Variants in TNXB observed in about 807,000 individuals in gnomAD.
TNXB encodes tenascin-X.
In TNXB, 183 loss-of-function variants were observed where a neutral mutation model predicts 340.5. That is an observed-to-expected ratio of 0.54 (90% CI 0.48 to 0.61). The LOEUF is 0.61. Among genes scored for constraint, TNXB ranks in the 20% least tolerant of loss-of-function variants. The probability of loss-of-function intolerance (pLI) is 0.00; values close to 1 mark genes in which losing one functional copy is unlikely to be tolerated. For synonymous variants in TNXB, 2,121 were observed against 2,314.5 expected, an observed-to-expected ratio of 0.92 and a Z score of 2.40; for missense variants, 4,613 against 5,446.4, an observed-to-expected ratio of 0.85 and a Z score of 4.82.
In TNXB at chr6:32,075,550, A is replaced by G. The variant is rs1213714366; in HGVS notation, c.4376-1598T>C. 6.6e-6 allele frequency among the ~76,000 whole-genome samples: 1 copy of G among 152,026 alleles called. No homozygotes were observed. The highest frequency in any genetic ancestry group is 2.4e-5 in the African/African-American group (1 of 41,352). On this transcript the variant is annotated intron_variant, in intron 11 of 43. Coordinates refer to ENST00000644971, the MANE Select transcript of TNXB (RefSeq NM_001365276.2). This position sits in a 1 kb window ranked among gnomAD's most constrained non-coding sequence, Gnocchi z 4.6. ...GCAGTGAGGCCCTTGCTGTCTCCCT[A>G]CTAGGCTCTGCTTTTCCCCACCACT...
Position 32,058,390 on chromosome 6 carries a change from G to A in TNXB, c.7493C>T (p.Ala2498Val). The change falls in exon 22 of 44, where the codon GCC (alanine) becomes GTC (valine). Residue 2498 changes from alanine (A) to valine (V), a missense_variant and splice_region_variant. By Grantham distance (64) the Ala-to-Val change is moderately conservative. Around this residue, in one of 7 missense-constraint regions of TNXB, gnomAD observed 4,327 missense variants for 4,859.4 expected, o/e 0.89. Transcript: ENST00000644971. This position sits in a 1 kb window ranked among gnomAD's most constrained non-coding sequence, Gnocchi z 5.1. ...VGPVSTVGVT[A>V]PQEDVDETPS... Reference sequence around the variant, plus strand: ...GGTCTCGTCCACATCCTCTTGTGGGGCTGAAAGGTAATATAGGGGGATACA... The same window carrying A: ...GGTCTCGTCCACATCCTCTTGTGGGACTGAAAGGTAATATAGGGGGATACA... 6.3e-7 allele frequency: 1 copy of A among 1,597,704 alleles called. No homozygotes were observed. The highest frequency in any genetic ancestry group is 1.4e-5 in the African/African-American group (1 of 73,814).
intron 1 of TNXB, among the ~76,000 whole-genome samples, chr6:32,107,072 T>C (rs1045234861): frequency 6.6e-5 from 10 of 152,206 alleles, no homozygotes; most frequent in Non-Finnish European, 4.4e-5. Flanking sequence ...TGATTTCTTG[T>C]TGGCTCCGAG....
chr6:32,056,142 G>C lies in TNXB; in HGVS notation c.8176C>G (p.Leu2726Val). Reference protein sequence around the residue: ...AEEETPSPTELSTEAPEPPEE... With the variant: ...AEEETPSPTEVSTEAPEPPEE... ...GGGGGCTCCGGGGCCTCAGTGCTGA[G>C]TTCCGTGGGGCTGGGGGTCTCTTCC... Residue 2726 changes from leucine (L) to valine (V), a missense_variant, in exon 24 of 44, where the codon CTC (leucine) becomes GTC (valine). By Grantham distance (32) the Leu-to-Val change is conservative. Around this residue, in one of 7 missense-constraint regions of TNXB, gnomAD observed 4,327 missense variants for 4,859.4 expected, o/e 0.89. Coordinates refer to ENST00000644971, the MANE Select transcript of TNXB (RefSeq NM_001365276.2). The C allele has an allele frequency of 1.2e-6, 2 of 1,612,386 alleles. No homozygotes were observed. Among genetic ancestry groups the C allele is most frequent in the Non-Finnish European group, 1.7e-6 (2 of 1,179,604 alleles).
chr6:32,096,123 T>C lies in TNXB; in HGVS notation c.1730A>G (p.Glu577Gly), dbSNP rs767766489. The C allele has an allele frequency of 6.9e-6, 11 of 1,603,678 alleles. No individual in the cohort carries two copies. Among genetic ancestry groups the C allele is most frequent in the Non-Finnish European group, 6.8e-6 (8 of 1,176,318 alleles). The change falls in exon 3 of 44, where the codon GAG becomes GGG. Residue 577 changes from glutamate to glycine, a missense_variant. Around this residue, in one of 7 missense-constraint regions of TNXB, gnomAD observed 4,327 missense variants for 4,859.4 expected, o/e 0.89. Transcript: ENST00000644971. ...GCAATCCTCGCCAGAGTAGCCGTCC[T>C]CGCACACACACCGCCCATCTAGGCA... Reference protein sequence around the residue: ...GQCLDGRCVCEDGYSGEDCGV... With the variant: ...GQCLDGRCVCGDGYSGEDCGV...
rs1362162886 is a variant in TNXB at position 32,079,099 on chromosome 6, T to G, written c.4309A>C (p.Lys1437Gln). Residue 1437 changes from lysine (K) to glutamine (Q), a missense_variant, in exon 11 of 44, where the codon AAG becomes CAG. Coordinates refer to ENST00000644971, the MANE Select transcript of TNXB (RefSeq NM_001365276.2). This position sits in a 1 kb window ranked among gnomAD's most constrained non-coding sequence, Gnocchi z 7.1. Reference sequence around the variant, plus strand: ...TCGTGGAGGCCGTACAGGTGCATCTTGTACTTGTGCCCGGGCTCTAGGCCT... The same window carrying G: ...TCGTGGAGGCCGTACAGGTGCATCTGGTACTTGTGCCCGGGCTCTAGGCCT... ...VGGLEPGHKY[K>Q]MHLYGLHEGQ... 3 of 1,613,734 alleles carry G rather than the reference T, an allele frequency of 1.9e-6. No individual in the cohort carries two copies. Among genetic ancestry groups the G allele is most frequent in the Non-Finnish European group, 2.5e-6 (3 of 1,179,876 alleles).
rs940245544 is a variant in TNXB, at chr6:32,081,700, G to A, written c.3737-27C>T. On this transcript the variant is annotated intron_variant, in intron 9 of 43. Coordinates refer to ENST00000644971, the MANE Select transcript of TNXB (RefSeq NM_001365276.2). The surrounding 1 kb of genome is among the most constrained non-coding windows in gnomAD (Gnocchi z 5.1). ...TGTAAACAAGGAGATCCAGCCAGGT[G>A]CTGAACTGGCAGCCTGGGACTGGGG... is the stretch of plus-strand genomic sequence containing the variant. 23 of 1,536,602 alleles carry A rather than the reference G, an allele frequency of 1.5e-5. No homozygotes were observed. The highest frequency in any genetic ancestry group is 1.8e-5 in the Non-Finnish European group (21 of 1,136,306).
Position 32,050,154 on chromosome 6 carries a change from T to C in TNXB, c.9283A>G (p.Arg3095Gly). ...GCCTTGGGCTGCCCATCCCCATTCC[T>C]GTACTGGACCAGGAAGTGGTCAAAC... The part of the protein sequence containing the change: ...GQFDHFLVQY[R>G]NGDGQPKAVR... The change falls in exon 27 of 44, where the codon AGG (arginine) becomes GGG (glycine). Residue 3095 changes from arginine (R) to glycine (G), a missense_variant. This residue lies in a region of TNXB where 4,327 missense variants were observed against 4,859.4 expected (regional missense o/e 0.89). Coordinates refer to ENST00000644971, the MANE Select transcript of TNXB (RefSeq NM_001365276.2). 3.1e-6 allele frequency: 5 copies of C among 1,613,852 alleles called. No individual in the cohort carries two copies. Among genetic ancestry groups the C allele is most frequent in the Non-Finnish European group, 4.2e-6 (5 of 1,179,882 alleles).
At chr6:32,093,516 T>A in intron 4 of TNXB, 1 of 629,616 alleles carries the variant, frequency 1.6e-6, no homozygotes, top group South Asian at 1.8e-5. Flanking sequence ...TCCTCTGAGC[T>A]GTCCCCTTCT....
Position 32,097,692 on chromosome 6 carries a change from G to T in TNXB, c.403+104C>A. The T allele has an allele frequency of 7.6e-7, 1 of 1,321,958 alleles. No homozygotes were observed. Among genetic ancestry groups the T allele is most frequent in the Non-Finnish European group, 1.0e-6 (1 of 990,882 alleles). The allele number at this position is 1,321,958 out of a possible 1,614,324, so 81.9% of individuals were successfully genotyped here. A position where few individuals can be genotyped will look rare whatever the true frequency, so the allele number is the denominator to read the frequency against. On this transcript the variant is annotated intron_variant, in intron 2 of 43. Coordinates refer to ENST00000644971, the MANE Select transcript of TNXB (RefSeq NM_001365276.2). This position sits in a 1 kb window ranked among gnomAD's most constrained non-coding sequence, Gnocchi z 5.9. The stretch of plus-strand genomic sequence containing the variant: ...CTGGGCTGCATCCACACCCCTCATG[G>T]TGAGGAAGGAGTGCCTTCTTCTAAT...
Position 32,081,681 on chromosome 6 carries a change from C to T in TNXB, c.3737-8G>A. On this transcript the variant is annotated splice_region_variant and splice_polypyrimidine_tract_variant and intron_variant, in intron 9 of 43. Coordinates refer to ENST00000644971, the MANE Select transcript of TNXB (RefSeq NM_001365276.2). This position sits in a 1 kb window ranked among gnomAD's most constrained non-coding sequence, Gnocchi z 5.1. ...CCTCTTTCCTCTCTGGAGCTGTAAA[C>T]AAGGAGATCCAGCCAGGTGCTGAAC... The T allele has an allele frequency of 6.4e-7, 1 of 1,561,822 alleles. No individual in the cohort carries two copies. The highest frequency in any genetic ancestry group is 1.8e-5 in the Admixed American group (1 of 54,604).
In TNXB at chr6:32,084,558, G is replaced by A. The variant is rs749807972; in HGVS notation, c.3300C>T (p.Asp1100=). 17 of 1,608,728 alleles carry A rather than the reference G, an allele frequency of 1.1e-5. No individual in the cohort carries two copies. The highest frequency in any genetic ancestry group is 2.7e-5 in the African/African-American group (2 of 74,880). Residue 1100 remains aspartate (D), a synonymous_variant, in exon 8 of 44, where the codon GAC becomes GAT. Coordinates refer to ENST00000644971, the MANE Select transcript of TNXB (RefSeq NM_001365276.2). The surrounding 1 kb of genome is among the most constrained non-coding windows in gnomAD (Gnocchi z 5.5). Reference sequence around the variant, plus strand: ...CCACGGGCACCACCTGGGGCTGCCCGTCCCTGTCTTTGTACTGGATCACGA... The same window carrying A: ...CCACGGGCACCACCTGGGGCTGCCCATCCCTGTCTTTGTACTGGATCACGA... ...DSFVIQYKDR[D]GQPQVVPVEG...
chr6:32,097,160 G>A lies in TNXB; in HGVS notation c.693C>T (p.Gly231=), dbSNP rs950327591. ...AGAAGCCTGCCCGGCACACACACAC[G>A]CCCTGCACGCAGCGCCCACGGCCTT... ...DCQGRGRCVQ[G]VCVCRAGFSG... Residue 231 remains glycine (G), a synonymous_variant, in exon 3 of 44, where the codon GGC becomes GGT. Transcript: ENST00000644971. The surrounding 1 kb of genome is among the most constrained non-coding windows in gnomAD (Gnocchi z 5.9). 5.0e-6 allele frequency: 8 copies of A among 1,598,156 alleles called. No individual in the cohort carries two copies. Among genetic ancestry groups the A allele is most frequent in the African/African-American group, 1.3e-5 (1 of 74,472 alleles).
In TNXB at chr6:32,053,493, C is replaced by T. The variant is rs572058433; in HGVS notation, c.8686G>A (p.Gly2896Arg). The part of the protein sequence containing the change: ...KVVRVPGHED[G>R]VTISGLEPDH... ...GGCTCCAGGCCTGAGATGGTGACCC[C>T]GTCCTCGTGCCCCGGCACCCGCACC... The change falls in exon 25 of 44, where the codon GGG (glycine) becomes AGG (arginine). Residue 2896 changes from glycine (G) to arginine (R), a missense_variant. This residue lies in a region of TNXB where 4,327 missense variants were observed against 4,859.4 expected (regional missense o/e 0.89). Coordinates refer to ENST00000644971, the MANE Select transcript of TNXB (RefSeq NM_001365276.2). 7.4e-6 allele frequency: 12 copies of T among 1,613,320 alleles called. 1 individual carries two copies. Among genetic ancestry groups the T allele is most frequent in the Admixed American group, 1.7e-5 (1 of 60,016 alleles).
Position 32,062,467 on chromosome 6 carries a change from T to C in TNXB, c.6858A>G (p.Glu2286=), listed in dbSNP as rs763495235. 16 of 1,605,132 alleles carry C rather than the reference T, an allele frequency of 1.0e-5. No individual in the cohort carries two copies. The Admixed American group carries it at 2.7e-4, about 27-fold the overall frequency. ...GTTCTGTCGAGGCTGGGGCCATTTC[T>C]TCATCCTTTCCTGGGGCTGCATCAG... is the stretch of plus-strand genomic sequence containing the variant. ...AVGLTAPGKD[E]EMAPASTEPP... is the part of the protein sequence containing the mutation. The change falls in exon 20 of 44, where the codon GAA becomes GAG. Residue 2286 remains glutamate (E), a synonymous_variant. Coordinates refer to ENST00000644971, the MANE Select transcript of TNXB (RefSeq NM_001365276.2). This position sits in a 1 kb window ranked among gnomAD's most constrained non-coding sequence, Gnocchi z 4.3.
intron 25 of TNXB, 120 bp downstream of exon 25, chr6:32,053,268 G>C: frequency 6.9e-7 from 1 of 1,457,480 alleles, no homozygotes; most frequent in Admixed American, 2.2e-5. Context: ...AGTGGGGAAA[G>C]ACAAAAAAGT....
Position 32,096,310 on chromosome 6 carries a change from T to G in TNXB, c.1543A>C (p.Asn515His), listed in dbSNP as rs1780357357. 6.4e-7 allele frequency: 1 copy of G among 1,550,656 alleles called. No homozygotes were observed. Among genetic ancestry groups the G allele is most frequent in the Non-Finnish European group, 8.7e-7 (1 of 1,153,072 alleles). The change falls in exon 3 of 44, where the codon AAC (asparagine) becomes CAC (histidine). Residue 515 changes from asparagine to histidine, a missense_variant. Coordinates refer to ENST00000644971, the MANE Select transcript of TNXB (RefSeq NM_001365276.2). ...GRCVDGRCVCNPGFTGEDCGS... is the reference protein window; with the variant it reads ...GRCVDGRCVCHPGFTGEDCGS... The stretch of plus-strand genomic sequence containing the variant: ...CAGTCCTCACCGGTGAAGCCCGGGT[T>G]GCACACGCAGCGGCCATCCACGCAG...
In TNXB at chr6:32,055,932, G is replaced by A; in HGVS notation, c.8386C>T (p.Pro2796Ser). The A allele has an allele frequency of 6.2e-7, 1 of 1,613,502 alleles. No individual in the cohort carries two copies. Among genetic ancestry groups the A allele is most frequent in the Non-Finnish European group, 8.5e-7 (1 of 1,179,874 alleles). The change falls in exon 24 of 44, where the codon CCC becomes TCC. Residue 2796 changes from proline to serine, a missense_variant. Pro to Ser is a moderately conservative substitution (Grantham distance 74). This residue lies in a region of TNXB where 4,327 missense variants were observed against 4,859.4 expected (regional missense o/e 0.89). Transcript: ENST00000644971. The part of the protein sequence containing the change: ...ESEVTVGGLE[P>S]GRKYKMHLYG... ...AGGTGCATCTTGTATTTGCGCCCGGGCTCCAGGCCCCCCACGGTGACCTCG... is the reference window on the plus strand; with the variant it reads ...AGGTGCATCTTGTATTTGCGCCCGGACTCCAGGCCCCCCACGGTGACCTCG...
At chr6:32,076,528 G>A (rs1329926346) in intron 11 of TNXB, among the ~76,000 whole-genome samples, 1 of 152,184 alleles carries the variant, frequency 6.6e-6, no homozygotes, top group Non-Finnish European at 1.5e-5. Context: ...GGATATACAG[G>A]GATTCCCTCA....
intron 1 of TNXB, among the ~76,000 whole-genome samples, chr6:32,106,847 C>G (rs1411593186): frequency 6.6e-6 from 1 of 152,246 alleles, no homozygotes; most frequent in Non-Finnish European, 1.5e-5. Context: ...CCTGGGAATG[C>G]TTGCACAAAG....
Sources: gnomAD v4.1 joint callset for allele counts (sites outside exome capture counted in the v4.1 genomes callset) on GRCh38, gnomAD v4.1.1 for gene constraint, gnomAD v4.1.1 regional missense constraint, Gnocchi (gnomAD v3.1) non-coding constraint, MANE v1.5 for transcripts, NCBI Gene and HGNC (gene_info 2026-07-23, HGNC 2026-07-21) for gene names.